The following TSPAN9 variants were observed in gnomAD, a reference collection of about 807,000 sequenced individuals.
The protein encoded by TSPAN9 is tetraspanin-9.
TSPAN9 carries 16 observed loss-of-function variants against 31.0 expected under a neutral mutation model. The ratio of observed to expected loss-of-function variants is 0.52; its 90% CI spans 0.35 to 0.78. TSPAN9 has a LOEUF of 0.78. TSPAN9 is among the 30% of genes least tolerant of loss of function. The probability of loss-of-function intolerance (pLI) is 0.01; values close to 1 mark genes in which losing one functional copy is unlikely to be tolerated. For missense variants in TSPAN9, 272 were observed against 312.5 expected (o/e 0.87, Z 0.98); for synonymous variants, 145 against 121.6 (o/e 1.19, Z -1.27).
chr12:3,133,953 G>A (rs2098330949), intron 2 of TSPAN9, among the ~76,000 whole-genome samples: 1 of 152,160 alleles, frequency 6.6e-6, no homozygotes, highest in African/African-American at 2.4e-5. Context: ...ACCCCCCTGG[G>A]TCTCAGTTTC....
intron 3 of TSPAN9, among the ~76,000 whole-genome samples, chr12:3,247,424 G>A (rs758519347): frequency 1.5e-4 from 23 of 151,910 alleles, no homozygotes; most frequent in Non-Finnish European, 2.8e-4. Flanking sequence ...TTCTGCCTTT[G>A]ACTCTAAGTC....
Position 3,277,701 on chromosome 12 carries a change from C to T in TSPAN9, c.64-720C>T, listed in dbSNP as rs150719686. On this transcript the variant is annotated intron_variant, in intron 3 of 8. Coordinates refer to ENST00000011898, the MANE Select transcript of TSPAN9 (RefSeq NM_006675.5). ...CTTCCCCAGGTGGAGCTGGTGGCGC[C>T]GGCAGCCCCAGGGGTGCTGTTGGGG... is the stretch of plus-strand genomic sequence containing the variant. Among the ~76,000 whole-genome samples the T allele has an allele frequency of 4.3e-4, 65 of 152,254 alleles. 1 individual carries two copies. Among genetic ancestry groups the T allele is most frequent in the Admixed American group, 3.3e-3 (50 of 15,298 alleles).
intron 3 of TSPAN9, among the ~76,000 whole-genome samples, chr12:3,207,025 A>G (rs1023784223): frequency 6.6e-5 from 10 of 152,038 alleles, no homozygotes; most frequent in South Asian, 2.1e-4. Context: ...GACACATGCA[A>G]TGGGCTGAAC....
rs560687392 is a variant in TSPAN9 at position 3,122,299 on chromosome 12, C to T, written c.-18+38580C>T. 2.4e-3 allele frequency among the ~76,000 whole-genome samples: 331 copies of T among 137,306 alleles called. 1 individual carries two copies. Among genetic ancestry groups the T allele is most frequent in the African/African-American group, 8.4e-3 (307 of 36,674 alleles). The allele number at this position is 137,306 out of a possible 152,430, so 90.1% of individuals were successfully genotyped here. ...CAGTGAGCCTGCACTCCAGCCTGGG[C>T]GACAGAGTGAGACTCTATCTCAAAA... On this transcript the variant is annotated intron_variant, in intron 2 of 8. Coordinates refer to ENST00000011898, the MANE Select transcript of TSPAN9 (RefSeq NM_006675.5).
intron 3 of TSPAN9, among the ~76,000 whole-genome samples, chr12:3,263,414 G>A (rs1449044945): frequency 2.6e-5 from 4 of 152,182 alleles, no homozygotes; most frequent in Admixed American, 1.3e-4. Context: ...AAGCATATGC[G>A]GAGAGGCGCA....
At chr12:3,267,097 G>C (rs2153979589) in intron 3 of TSPAN9, among the ~76,000 whole-genome samples, 1 of 152,314 alleles carries the variant, frequency 6.6e-6, no homozygotes, top group Middle Eastern at 3.4e-3. Flanking sequence ...TCTTCACTGT[G>C]TGACTTTTCT....
At chr12:3,175,644 C>T (rs1000185946) in intron 2 of TSPAN9, among the ~76,000 whole-genome samples, 10 of 152,152 alleles carry the variant, frequency 6.6e-5, no homozygotes, top group Non-Finnish European at 1.3e-4. Flanking sequence ...CCCAGGGTCG[C>T]GGGAGGGAGT....
intron 2 of TSPAN9, among the ~76,000 whole-genome samples, chr12:3,097,016 A>G (rs145006922): frequency 2.6e-4 from 39 of 152,258 alleles, no homozygotes; most frequent in East Asian, 1.2e-3. Flanking sequence ...TAAAGTGTCT[A>G]TGGCTCTGGG....
chr12:3,197,199 G>C (rs988710978), intron 2 of TSPAN9, among the ~76,000 whole-genome samples: 2 of 152,212 alleles, frequency 1.3e-5, no homozygotes, highest in Non-Finnish European at 1.5e-5. Flanking sequence ...AGAGCTCAAA[G>C]TGAAAAACAG....
chr12:3,211,616 A>G, intron 3 of TSPAN9: 2 of 1,167,662 alleles, frequency 1.7e-6, no homozygotes, highest in East Asian at 4.9e-5. Flanking sequence ...TTTATCCAAA[A>G]TGTGTTTATT....
intron 3 of TSPAN9, among the ~76,000 whole-genome samples, chr12:3,253,537 C>A (rs991626673): frequency 2.6e-5 from 4 of 152,228 alleles, no homozygotes; most frequent in Admixed American, 2.6e-4. Context: ...AGGAAGTGTT[C>A]GCTGAGCTCG....
Position 3,187,041 on chromosome 12 carries a change from G to GA in TSPAN9, c.-17-14134dup, listed in dbSNP as rs2098361796. On this transcript the variant is annotated intron_variant, in intron 2 of 8. Coordinates refer to ENST00000011898, the MANE Select transcript of TSPAN9 (RefSeq NM_006675.5). This position sits in a 1 kb window ranked among gnomAD's most constrained non-coding sequence, Gnocchi z 5.2. ...ACACCATGGCATTGGCAAGCGCTCTGAATCGGGGCTTTTCCCCTGTAGAGC... is the reference window on the plus strand; with the variant it reads ...ACACCATGGCATTGGCAAGCGCTCTGAAATCGGGGCTTTTCCCCTGTAGAGC... Among the ~76,000 whole-genome samples, 1 of 152,214 alleles carries GA rather than the reference G, an allele frequency of 6.6e-6. No homozygotes were observed. The highest frequency in any genetic ancestry group is 6.5e-5 in the Admixed American group (1 of 15,280).
rs558134904 is a variant in TSPAN9 at position 3,282,541 on chromosome 12, A to G, written c.649-504A>G. 5.9e-5 allele frequency among the ~76,000 whole-genome samples: 9 copies of G among 152,278 alleles called. No individual in the cohort carries two copies. In the South Asian group the frequency reaches 6.2e-4, roughly 11 times the overall value. On this transcript the variant is annotated intron_variant, in intron 8 of 8. Coordinates refer to ENST00000011898, the MANE Select transcript of TSPAN9 (RefSeq NM_006675.5). The stretch of plus-strand genomic sequence containing the variant: ...CTCAAGTAGCTGGGACTACAGGCAT[A>G]TACACCACCATACCTGAATGATTTA...
chr12:3,180,213 A>AT (rs1260368924), intron 2 of TSPAN9, among the ~76,000 whole-genome samples: 1 of 152,150 alleles, frequency 6.6e-6, no homozygotes, highest in Non-Finnish European at 1.5e-5. Flanking sequence ...TTTCTGTTTT[A>AT]TTTTTAAAAA....
At chr12:3,180,543 C>T (rs1014555776) in intron 2 of TSPAN9, among the ~76,000 whole-genome samples, 2 of 151,654 alleles carry the variant, frequency 1.3e-5, no homozygotes, top group Non-Finnish European at 2.9e-5. Flanking sequence ...TGGGTCACAG[C>T]CTGCAGTTTG....
chr12:3,100,763 T>G (rs1214658949), intron 2 of TSPAN9, among the ~76,000 whole-genome samples: 1 of 152,222 alleles, frequency 6.6e-6, no homozygotes, highest in Non-Finnish European at 1.5e-5. Flanking sequence ...AGCAGCATGT[T>G]CTTTTCCCCT....
At chr12:3,185,218 A>G (rs2098360572) in intron 2 of TSPAN9, among the ~76,000 whole-genome samples, 1 of 152,168 alleles carries the variant, frequency 6.6e-6, no homozygotes, top group Non-Finnish European at 1.5e-5. Flanking sequence ...GGGCGGGAGA[A>G]GGGAGTTGGG....
At chr12:3,080,123 C>T (rs1468384539) in intron 1 of TSPAN9, among the ~76,000 whole-genome samples, 1 of 152,046 alleles carries the variant, frequency 6.6e-6, no homozygotes. Flanking sequence ...CTTCACCTGG[C>T]ACCACCTATT....
At chr12:3,106,507 C>G (rs551284327) in intron 2 of TSPAN9, among the ~76,000 whole-genome samples, 2 of 152,142 alleles carry the variant, frequency 1.3e-5, no homozygotes, top group African/African-American at 2.4e-5. Flanking sequence ...TGGTGGCTCA[C>G]GCCTGTAATC....
Sources: allele counts gnomAD v4.1 joint callset (sites outside exome capture counted in the v4.1 genomes callset), GRCh38; gene constraint gnomAD v4.1.1; non-coding constraint Gnocchi (gnomAD v3.1); transcripts MANE v1.5; gene names NCBI Gene and HGNC (gene_info 2026-07-23, HGNC 2026-07-21).